Variants in CNTN5 observed in about 807,000 individuals in gnomAD.
The protein encoded by CNTN5 is contactin-5.
Under a neutral mutation model 129.1 loss-of-function variants are expected in CNTN5, and 77 were observed. That is an observed-to-expected ratio of 0.60 (90% confidence interval 0.50 to 0.72). The LOEUF (loss-of-function observed/expected upper bound fraction) is 0.72. CNTN5 is among the 30% of genes least tolerant of loss of function. The pLI is 0.00. For synonymous variants in CNTN5, 509 were observed against 465.6 expected (o/e 1.09, Z -1.20); for missense variants, 1,478 against 1,328.8 (o/e 1.11, Z -1.75).
At chr11:99,624,832 C>T (rs1951073204) in intron 3 of CNTN5, among the ~76,000 whole-genome samples, 1 of 152,110 alleles carries the variant, frequency 6.6e-6, no homozygotes, top group South Asian at 2.1e-4. Context: ...TCTGCAAATA[C>T]AGGCCATCAG....
intron 2 of CNTN5, among the ~76,000 whole-genome samples, chr11:99,358,201 G>A (rs1455661702): frequency 7.3e-5 from 9 of 122,856 alleles, no homozygotes; most frequent in South Asian, 3.4e-4. Flanking sequence ...CCATTCTCCT[G>A]CCTCAGCCTC....
chr11:99,761,200 C>T (rs1473471049), intron 3 of CNTN5, among the ~76,000 whole-genome samples: 1 of 151,698 alleles, frequency 6.6e-6, no homozygotes, highest in African/African-American at 2.4e-5. Flanking sequence ...AGGAGGTTGC[C>T]TTTAGGTATA....
chr11:99,141,680 T>G lies in CNTN5; in HGVS notation c.-210+120410T>G, dbSNP rs190496761. ...CACTGCTTTCCTGTGTCGCAGAGTT[T>G]CTAGTATGTTGTATCTTTTTTCTCA... On this transcript the variant is annotated intron_variant, in intron 1 of 24. Coordinates refer to ENST00000524871, the MANE Select transcript of CNTN5 (RefSeq NM_014361.4). 1.8e-3 allele frequency among the ~76,000 whole-genome samples: 268 copies of G among 152,284 alleles called. 2 individuals are homozygous for G. The highest frequency in any genetic ancestry group is 6.2e-3 in the African/African-American group (256 of 41,568).
rs368413701 is a variant in CNTN5, at chr11:99,798,266, C to T, written c.56-21278C>T. ...AGGATAAGCAATCCATGTTCCTGCC[C>T]AATCCATGTTCCTGCAAAAGAAATG... On this transcript the variant is annotated intron_variant, in intron 3 of 24. Coordinates refer to ENST00000524871, the MANE Select transcript of CNTN5 (RefSeq NM_014361.4). 1.1e-3 allele frequency among the ~76,000 whole-genome samples: 162 copies of T among 151,700 alleles called. 1 individual carries two copies. The highest frequency in any genetic ancestry group is 3.7e-3 in the African/African-American group (152 of 41,236).
chr11:99,508,388 G>A (rs35955935), intron 2 of CNTN5, among the ~76,000 whole-genome samples: 41,980 of 151,756 alleles, frequency 0.28, 6,447 homozygotes, highest in East Asian at 0.47. Context: ...TCAGCCCTTC[G>A]TATGTGATGT....
intron 9 of CNTN5, among the ~76,000 whole-genome samples, chr11:100,039,798 A>C (rs896043604): frequency 4.6e-5 from 7 of 152,078 alleles, no homozygotes; most frequent in Non-Finnish European, 8.8e-5. Context: ...CGTAGCTCTC[A>C]TGCCTTGGTT....
chr11:99,056,574 T>C (rs914116579), intron 1 of CNTN5, among the ~76,000 whole-genome samples: 1 of 151,996 alleles, frequency 6.6e-6, no homozygotes, highest in Non-Finnish European at 1.5e-5. Flanking sequence ...TTAATAATTT[T>C]TAGAAATGCC....
intron 15 of CNTN5, among the ~76,000 whole-genome samples, chr11:100,200,519 A>T (rs1303086305): frequency 6.6e-6 from 1 of 151,932 alleles, no homozygotes; most frequent in Non-Finnish European, 1.5e-5. Context: ...GTGTGCTATG[A>T]ATAGTTACTA....
At chr11:99,152,185 G>A (rs2155566) in intron 1 of CNTN5, among the ~76,000 whole-genome samples, 138,086 of 151,966 alleles carry the variant, frequency 0.91, 62,988 homozygotes, top group East Asian at 0.99. Context: ...ATAAACTTGC[G>A]CCCACATCAA....
intron 2 of CNTN5, among the ~76,000 whole-genome samples, chr11:99,327,860 G>C (rs1304784205): frequency 6.6e-6 from 1 of 152,124 alleles, no homozygotes; most frequent in African/African-American, 2.4e-5. Flanking sequence ...AGAATGAAAT[G>C]TTTCACTCAA....
intron 21 of CNTN5, among the ~76,000 whole-genome samples, chr11:100,323,204 T>C (rs759082780): frequency 1.3e-5 from 2 of 152,234 alleles, no homozygotes; most frequent in Non-Finnish European, 2.9e-5. Flanking sequence ...GGTTCTCCAA[T>C]GTTTATCTCT....
At chr11:99,560,268 GTATTATTATTAT>G (rs35741733) in intron 3 of CNTN5, among the ~76,000 whole-genome samples, 25 of 141,980 alleles carry the variant, frequency 1.8e-4, no homozygotes, top group Middle Eastern at 3.7e-3. Flanking sequence ...GAATCTAACT[GTATTATTATTAT>G]TATTATTATT....
rs149298975 is a variant in CNTN5 at position 100,349,981 on chromosome 11, C to G, written c.3031-721C>G. Among the ~76,000 whole-genome samples, 219 of 151,774 alleles carry G rather than the reference C, an allele frequency of 1.4e-3. 4 individuals carry two copies. Among genetic ancestry groups the G allele is most frequent in the Non-Finnish European group, 7.1e-4 (48 of 67,812 alleles). On this transcript the variant is annotated intron_variant, in intron 23 of 24. Coordinates refer to ENST00000524871, the MANE Select transcript of CNTN5 (RefSeq NM_014361.4). ...TTATCCTGTGTCCTGATTTGCAGTT[C>G]CAAAATTGTTTTCCGTGCATGTATG... is the stretch of plus-strand genomic sequence containing the variant.
At chr11:99,728,699 C>T (rs1277658170) in intron 3 of CNTN5, among the ~76,000 whole-genome samples, 11 of 152,102 alleles carry the variant, frequency 7.2e-5, no homozygotes, top group Admixed American at 3.9e-4. Context: ...CCCTAAAAGA[C>T]GGTGAGTAGT....
intron 1 of CNTN5, among the ~76,000 whole-genome samples, chr11:99,240,325 A>G (rs1861484161): frequency 1.3e-5 from 2 of 152,282 alleles, no homozygotes; most frequent in South Asian, 4.1e-4. Flanking sequence ...CAGTAGGAAA[A>G]AGTAGAGAAC....
intron 3 of CNTN5, among the ~76,000 whole-genome samples, chr11:99,647,805 A>G (rs576205210): frequency 1.3e-5 from 2 of 150,412 alleles, no homozygotes; most frequent in South Asian, 2.1e-4. Context: ...TTTTGTATCT[A>G]TACTAATGGG....
At chr11:99,107,176 A>AGCATATT (rs1253133875) in intron 1 of CNTN5, among the ~76,000 whole-genome samples, 7 of 152,174 alleles carry the variant, frequency 4.6e-5, no homozygotes, top group Non-Finnish European at 5.9e-5. Flanking sequence ...TGATGCCCCT[A>AGCATATT]GCATATTGAA....
intron 3 of CNTN5, among the ~76,000 whole-genome samples, chr11:99,582,757 C>T (rs1176038880): frequency 2.0e-5 from 3 of 152,044 alleles, no homozygotes; most frequent in African/African-American, 7.2e-5. Context: ...AACTTCTTTG[C>T]CATTGGTTCA....
chr11:100,326,142 C>T (rs955807211), intron 21 of CNTN5, among the ~76,000 whole-genome samples: 2 of 152,074 alleles, frequency 1.3e-5, no homozygotes, highest in Non-Finnish European at 2.9e-5. Context: ...TAAACCAATG[C>T]TTCAGAGTAC....
Sources: allele counts gnomAD v4.1 joint callset (sites outside exome capture counted in the v4.1 genomes callset), GRCh38; gene constraint gnomAD v4.1.1; transcripts MANE v1.5; gene names NCBI Gene and HGNC (gene_info 2026-07-23, HGNC 2026-07-21).